COMMD10: variants seen among roughly 807,000 people sequenced by gnomAD.
COMMD10 encodes the protein COMM domain-containing protein 10.
In COMMD10, 33 loss-of-function variants were observed where a neutral mutation model predicts 28.9. That is an observed-to-expected ratio of 1.14 (90% CI 0.87 to 1.53). COMMD10 has a LOEUF of 1.53. Among genes scored for constraint, COMMD10 ranks in the 40% most tolerant of loss-of-function variants. The pLI is 0.00. For missense variants in COMMD10, 310 were observed against 233.4 expected, an observed-to-expected ratio of 1.33 and a Z score of -2.14; for synonymous variants, 110 against 81.7, an observed-to-expected ratio of 1.35 and a Z score of -1.87.
intron 5 of COMMD10, among the ~76,000 whole-genome samples, chr5:116,229,013 A>G (rs1388895233): frequency 6.6e-6 from 1 of 152,054 alleles, no homozygotes; most frequent in African/African-American, 2.4e-5. Context: ...TTGCCTATAG[A>G]CATTACAGTT....
Position 116,163,534 on chromosome 5 carries a change from A to G in COMMD10, c.510+29356A>G, listed in dbSNP as rs554056528. Among the ~76,000 whole-genome samples, 75 of 151,678 alleles carry G rather than the reference A, an allele frequency of 4.9e-4. 1 individual carries two copies. The highest frequency in any genetic ancestry group is 4.0e-3 in the South Asian group (19 of 4,788). ...CACCCGGGAAGTAGAGGTTTCGGTG[A>G]GCCAAGATTGCACCATCGCGCTCCA... On this transcript the variant is annotated intron_variant, in intron 5 of 6. Transcript: ENST00000274458.
intron 5 of COMMD10, among the ~76,000 whole-genome samples, chr5:116,286,914 T>A (rs1751233357): frequency 6.6e-6 from 1 of 151,814 alleles, no homozygotes; most frequent in African/African-American, 2.4e-5. Context: ...CTTGTTGATT[T>A]TCTGAATAAT....
intron 5 of COMMD10, among the ~76,000 whole-genome samples, chr5:116,252,451 G>T (rs10478294): frequency 5.4e-3 from 589 of 109,268 alleles, no homozygotes; most frequent in Middle Eastern, 0.013. Flanking sequence ...TTTAAGTCCT[G>T]AATCCATCTT....
intron 1 of COMMD10, 191 bp downstream of exon 1, chr5:116,085,284 G>A (rs1173491567): frequency 5.1e-6 from 3 of 589,726 alleles, no homozygotes; most frequent in Non-Finnish European, 8.8e-6. Context: ...CGCCTCTACA[G>A]TCACGGTGGT....
rs766145196 is a variant in COMMD10, at chr5:116,091,114, A to G, written c.168A>G (p.Lys56=). 6.2e-7 allele frequency: 1 copy of G among 1,612,220 alleles called. No homozygotes were observed. Among genetic ancestry groups the G allele is most frequent in the African/African-American group, 1.3e-5 (1 of 74,988 alleles). The change falls in exon 3 of 7, where the codon AAA becomes AAG. Residue 56 remains lysine, a synonymous_variant. Coordinates refer to ENST00000274458, the MANE Select transcript of COMMD10 (RefSeq NM_016144.4). ...GTTTCAGTGAAGAAGAGGAAGAAAA[A>G]CTTCAAGCGGCATTTTCTCTAGAGA... ...ESSFSEEEEE[K]LQAAFSLEKQ... is the part of the protein sequence containing the mutation.
At position 116,288,692 on chromosome 5, in the gene COMMD10, C is replaced by A. The variant is rs567258571; in HGVS notation, c.511-2825C>A. 1.3e-4 allele frequency among the ~76,000 whole-genome samples: 19 copies of A among 151,674 alleles called. 1 individual carries two copies. Among genetic ancestry groups the A allele is most frequent in the African/African-American group, 4.4e-4 (18 of 41,184 alleles). On this transcript the variant is annotated intron_variant, in intron 5 of 6. Transcript: ENST00000274458. ...TAACTTGTCTGCAAGTTCACTGATT[C>A]TTCATTCTGCCTAAAACTGTTGTTG...
chr5:116,124,356 A>C (rs1038753942), intron 4 of COMMD10, among the ~76,000 whole-genome samples: 1 of 152,200 alleles, frequency 6.6e-6, no homozygotes, highest in Non-Finnish European at 1.5e-5. Context: ...CAGATTGTTC[A>C]GTTTCCATGT....
At chr5:116,199,517 G>T (rs948692475) in intron 5 of COMMD10, among the ~76,000 whole-genome samples, 3 of 151,914 alleles carry the variant, frequency 2.0e-5, no homozygotes, top group African/African-American at 7.3e-5. Context: ...CTTTGATATT[G>T]TATCTAAAAA....
In COMMD10 at chr5:116,292,837, G is replaced by A. The variant is rs533042075; in HGVS notation, c.*348G>A. Reference sequence around the variant, plus strand: ...ATGATACCATAATGTATCAAGGAGCGTCCATGGATACAAGATAAGATGTGT... The same window carrying A: ...ATGATACCATAATGTATCAAGGAGCATCCATGGATACAAGATAAGATGTGT... On this transcript the variant is annotated 3_prime_UTR_variant, in exon 7 of 7. Transcript: ENST00000274458. 1.5e-5 allele frequency: 6 copies of A among 394,842 alleles called. No individual in the cohort carries two copies. Among genetic ancestry groups the A allele is most frequent in the Non-Finnish European group, 2.7e-5 (6 of 224,214 alleles). 24.5% of individuals were successfully genotyped at this position (394,842 alleles called of 1,614,324 possible).
chr5:116,109,431 T>A (rs1318844894), intron 4 of COMMD10, among the ~76,000 whole-genome samples: 1 of 152,122 alleles, frequency 6.6e-6, no homozygotes, highest in Admixed American at 6.5e-5. Context: ...CCATCTCTAC[T>A]AAAAATACAA....
Position 116,217,976 on chromosome 5 carries a change from A to G in COMMD10, c.511-73541A>G, listed in dbSNP as rs1580557306. 9 of 846,962 alleles carry G rather than the reference A, an allele frequency of 1.1e-5. No homozygotes were observed. In the East Asian group the frequency reaches 1.7e-4, roughly 16 times the overall value. 52.5% of individuals were successfully genotyped at this position (846,962 alleles called of 1,614,324 possible). A position where few individuals can be genotyped will look rare whatever the true frequency, so the allele number is the denominator to read the frequency against. The stretch of plus-strand genomic sequence containing the variant: ...AAAACTTGGTAAAAATAGTATTTCA[A>G]ACTGTTCAGTCACCAGAAGTACACA... On this transcript the variant is annotated intron_variant, in intron 5 of 6. Transcript: ENST00000274458.
At chr5:116,292,340 A>T in intron 6 of COMMD10, 111 bp from the exon 7 acceptor site, 3 of 541,266 alleles carry the variant, frequency 5.5e-6, no homozygotes, top group Non-Finnish European at 9.3e-6. Context: ...TTTAATATTC[A>T]TAGTTACCAG....
intron 5 of COMMD10, among the ~76,000 whole-genome samples, chr5:116,214,240 A>G (rs1337692041): frequency 2.6e-5 from 4 of 152,170 alleles, no homozygotes; most frequent in Non-Finnish European, 5.9e-5. Flanking sequence ...GAAATAGAAA[A>G]TATAATTTTT....
At chr5:116,132,655 C>T (rs2063251) in intron 4 of COMMD10, among the ~76,000 whole-genome samples, 12,840 of 152,104 alleles carry the variant, frequency 0.084, 1,041 homozygotes, top group African/African-American at 0.22. Flanking sequence ...TCAATTAAGA[C>T]GGCATGTATG....
At chr5:116,280,886 G>A (rs1272991270) in intron 5 of COMMD10, among the ~76,000 whole-genome samples, 1 of 151,766 alleles carries the variant, frequency 6.6e-6, no homozygotes, top group Non-Finnish European at 1.5e-5. Flanking sequence ...AACTCATTCA[G>A]TAAGACTTGA....
At chr5:116,239,172 A>T (rs1161686701) in intron 5 of COMMD10, among the ~76,000 whole-genome samples, 1 of 152,162 alleles carries the variant, frequency 6.6e-6, no homozygotes, top group Non-Finnish European at 1.5e-5. Flanking sequence ...TCCTATACTA[A>T]AATAACTCTT....
chr5:116,089,228 G>A (rs1426076156), intron 2 of COMMD10, among the ~76,000 whole-genome samples: 2 of 152,156 alleles, frequency 1.3e-5, no homozygotes, highest in Non-Finnish European at 2.9e-5. Flanking sequence ...CATAGGTACT[G>A]TGGTCATCTC....
At chr5:116,154,297 G>A (rs779246849) in intron 5 of COMMD10, among the ~76,000 whole-genome samples, 8 of 152,084 alleles carry the variant, frequency 5.3e-5, no homozygotes, top group African/African-American at 9.7e-5. Flanking sequence ...TTTAATTGAT[G>A]ATGAGATATA....
intron 5 of COMMD10, among the ~76,000 whole-genome samples, chr5:116,226,441 C>G (rs1749396216): frequency 7.1e-6 from 1 of 139,928 alleles, no homozygotes; most frequent in East Asian, 2.1e-4. Flanking sequence ...TTGAGAACAG[C>G]AAATTATATT....
Sources: gnomAD v4.1 joint callset for allele counts (sites outside exome capture counted in the v4.1 genomes callset) on GRCh38, gnomAD v4.1.1 for gene constraint, MANE v1.5 for transcripts, NCBI Gene and HGNC (gene_info 2026-07-23, HGNC 2026-07-21) for gene names.